The following NPIPB2 variants were observed in gnomAD, a reference collection of about 807,000 sequenced individuals.
The protein encoded by NPIPB2 is nuclear pore complex interacting protein family member B2.
In NPIPB2, 27 loss-of-function variants were observed where a neutral mutation model predicts 30.8. The ratio of observed to expected loss-of-function variants is 0.88; its 90% CI spans 0.65 to 1.21. The LOEUF (loss-of-function observed/expected upper bound fraction) is 1.21. Ranked by LOEUF, NPIPB2 falls within the 50% of genes most tolerant of loss-of-function variation. The pLI is 0.00. For missense variants in NPIPB2, 440 were observed against 446.2 expected (o/e 0.99, Z 0.13); for synonymous variants, 147 against 162.0 (o/e 0.91, Z 0.70).
intron 2 of NPIPB2, among the ~76,000 whole-genome samples, chr16:11,937,248 T>C (rs939543405): frequency 7.9e-5 from 12 of 152,342 alleles, no homozygotes; most frequent in Middle Eastern, 3.4e-3. Context: ...AAGAATTTCC[T>C]ATTTAAGTGA....
chr16:11,954,335 C>T (rs2055092099), intron 1 of NPIPB2, among the ~76,000 whole-genome samples: 2 of 151,642 alleles, frequency 1.3e-5, no homozygotes, highest in Admixed American at 6.6e-5. Context: ...AAAAAATTAG[C>T]CGGTCGTGGT....
chr16:11,966,166 A>T, intron 1 of NPIPB2: 1 of 1,586,064 alleles, frequency 6.3e-7, no homozygotes, highest in Non-Finnish European at 8.6e-7. Flanking sequence ...TTATCAGCTC[A>T]TTATCTGTCT....
chr16:11,961,334 C>T (rs11862958), intron 1 of NPIPB2, among the ~76,000 whole-genome samples: 41,427 of 152,068 alleles, frequency 0.27, 6,904 homozygotes, highest in Non-Finnish European at 0.38. Flanking sequence ...CTTACCTCAC[C>T]ACCTGGACCC....
In NPIPB2 at chr16:11,964,620, G is replaced by A. The variant is rs556309285; in HGVS notation, c.-584+11948C>T. 1.3e-4 allele frequency among the ~76,000 whole-genome samples: 20 copies of A among 152,220 alleles called. 1 individual carries two copies. The South Asian group carries it at 4.2e-3, about 32-fold the overall frequency. On this transcript the variant is annotated intron_variant, in intron 1 of 5. Coordinates refer to the NPIPB2 transcript ENST00000538896. Reference sequence around the variant, plus strand: ...AGTAGAGACGGGGTTTCACCATGTTGGCCAGGCTGTTCTGGAACTCCTGAC... The same window carrying A: ...AGTAGAGACGGGGTTTCACCATGTTAGCCAGGCTGTTCTGGAACTCCTGAC...
upstream of NPIPB2, among the ~76,000 whole-genome samples, chr16:11,946,385 CA>C (rs34318693): frequency 0.49 from 34,735 of 70,210 alleles, 6,816 homozygotes; most frequent in Middle Eastern, 0.57. Flanking sequence ...AACTCTATCT[CA>C]AAAAAAAAAA....
intron 1 of NPIPB2, chr16:11,965,508 T>G (rs11570141): frequency 1.4e-5 from 22 of 1,566,674 alleles, no homozygotes; most frequent in Admixed American, 3.5e-5. Flanking sequence ...TCTGTCTATA[T>G]GGACTGCTTA....
At chr16:11,948,433 C>G (rs925244034) in intron 1 of NPIPB2, among the ~76,000 whole-genome samples, 1 of 152,008 alleles carries the variant, frequency 6.6e-6, no homozygotes, top group African/African-American at 2.4e-5. Flanking sequence ...TCTGTAGATC[C>G]AAGTACCAAT....
At chr16:11,941,049 T>G in intron 1 of NPIPB2, 2 of 1,040,046 alleles carry the variant, frequency 1.9e-6, no homozygotes, top group South Asian at 1.4e-5. Flanking sequence ...TGGACTCAAG[T>G]GATCTGCCCA....
At chr16:11,934,850 T>C (rs2054844042) in intron 2 of NPIPB2, among the ~76,000 whole-genome samples, 1 of 89,620 alleles carries the variant, frequency 1.1e-5, no homozygotes, top group Admixed American at 1.2e-4. Context: ...AGAGTGAGAC[T>C]CTGTCTCAAA....
intron 1 of NPIPB2, chr16:11,956,098 A>C: frequency 6.6e-6 from 1 of 152,214 alleles, no homozygotes; most frequent in Admixed American, 6.6e-5. Flanking sequence ...CGCCTCTTCC[A>C]TGAACAAGAC....
intron 1 of NPIPB2, among the ~76,000 whole-genome samples, chr16:11,950,472 C>T (rs143033982): frequency 6.6e-6 from 1 of 152,240 alleles, no homozygotes; most frequent in Non-Finnish European, 1.5e-5. Flanking sequence ...GCCCGCTAAG[C>T]CTTGAATTTG....
upstream of NPIPB2, among the ~76,000 whole-genome samples, chr16:11,945,024 A>AT (rs112250523): frequency 0.038 from 5,611 of 147,366 alleles, 360 homozygotes; most frequent in African/African-American, 0.13. Flanking sequence ...ACTAAAAATA[A>AT]AAAAAAAAAA....
At chr16:11,975,741 C>A (rs151288179) in intron 1 of NPIPB2, among the ~76,000 whole-genome samples, 1 of 152,166 alleles carries the variant, frequency 6.6e-6, no homozygotes, top group African/African-American at 2.4e-5. Flanking sequence ...CAGGCGCACG[C>A]CACCATGCCT....
intron 1 of NPIPB2, among the ~76,000 whole-genome samples, chr16:11,941,579 C>T (rs527763347): frequency 4.1e-5 from 6 of 146,540 alleles, no homozygotes; most frequent in East Asian, 2.1e-4. Flanking sequence ...GGCAAGGGAG[C>T]GTGAGGCTTA....
At chr16:11,941,243 T>A in intron 1 of NPIPB2, 5 of 1,518,082 alleles carry the variant, frequency 3.3e-6, no homozygotes, top group African/African-American at 1.4e-5. Context: ...AGCACCCGCA[T>A]GTCCTGGTCC....
upstream of NPIPB2, among the ~76,000 whole-genome samples, chr16:11,942,390 G>T (rs1162765385): frequency 6.7e-6 from 1 of 149,722 alleles, no homozygotes; most frequent in Non-Finnish European, 1.5e-5. Context: ...TCAATGATGA[G>T]ATCATAACAT....
At chr16:11,943,108 T>G (rs1340931323), upstream of NPIPB2, among the ~76,000 whole-genome samples, 1 of 151,512 alleles carries the variant, frequency 6.6e-6, no homozygotes, top group Non-Finnish European at 1.5e-5. Flanking sequence ...GATCACAAGG[T>G]CAGGAGTTCC....
exon 8 of NPIPB2, chr16:11,927,609 G>T (rs774326444): frequency 6.8e-7 from 1 of 1,461,580 alleles, no homozygotes; most frequent in Admixed American, 2.0e-5. Context: ...GGTGTCTTGA[G>T]ATTATCATCC....
At chr16:11,970,689 C>T (rs1470619718) in intron 1 of NPIPB2, among the ~76,000 whole-genome samples, 2 of 152,090 alleles carry the variant, frequency 1.3e-5, no homozygotes, top group African/African-American at 4.8e-5. Context: ...GCACCTGCCA[C>T]CACGCCTGGC....
Sources: gnomAD v4.1 joint callset for allele counts (sites outside exome capture counted in the v4.1 genomes callset) on GRCh38, gnomAD v4.1.1 for gene constraint, MANE v1.5 for transcripts, NCBI Gene and HGNC (gene_info 2026-07-23, HGNC 2026-07-21) for gene names.